Variants in ATP8A2 observed in about 807,000 individuals in gnomAD.
ATP8A2 encodes ATPase phospholipid transporting 8A2, also known as phospholipid-transporting ATPase IB.
Under a neutral mutation model 165.6 loss-of-function variants are expected in ATP8A2, and 100 were observed. The ratio of observed to expected loss-of-function variants is 0.60; its 90% confidence interval spans 0.51 to 0.71. The LOEUF is 0.71. ATP8A2 is among the 30% of genes least tolerant of loss of function. ATP8A2 has a pLI of 0.00. For synonymous variants in ATP8A2, 543 were observed against 548.8 expected (o/e 0.99, Z 0.15); for missense variants, 1,227 against 1,479.5 (o/e 0.83, Z 2.80).
chr13:25,508,752 G>A (rs561935412), intron 2 of ATP8A2, among the ~76,000 whole-genome samples: 1 of 152,364 alleles, frequency 6.6e-6, no homozygotes, highest in East Asian at 1.9e-4. Context: ...CACAGAAGCA[G>A]ATTTTCTGGG....
intron 24 of ATP8A2, among the ~76,000 whole-genome samples, chr13:25,606,377 A>G (rs2040516976): frequency 6.6e-6 from 1 of 152,232 alleles, no homozygotes; most frequent in Admixed American, 6.5e-5. Context: ...ATTTAAGAAC[A>G]TGTTGAAGAA....
At chr13:25,502,578 G>A (rs1000310580) in intron 2 of ATP8A2, among the ~76,000 whole-genome samples, 1 of 152,208 alleles carries the variant, frequency 6.6e-6, no homozygotes, top group Non-Finnish European at 1.5e-5. Context: ...GGGTGATACA[G>A]GGCAAGTTAA....
At chr13:26,019,626 G>C (rs539812383) in intron 36 of ATP8A2, among the ~76,000 whole-genome samples, 1 of 152,100 alleles carries the variant, frequency 6.6e-6, no homozygotes, top group Non-Finnish European at 1.5e-5. Context: ...CAGCCCCCTA[G>C]AAATAGGAAA....
chr13:25,675,513 A>C (rs950809212), intron 24 of ATP8A2, among the ~76,000 whole-genome samples: 4 of 152,240 alleles, frequency 2.6e-5, no homozygotes, highest in African/African-American at 7.2e-5. Flanking sequence ...GTAAATAATA[A>C]GTTTTATCAG....
chr13:25,736,705 T>G (rs2043777746), intron 25 of ATP8A2, among the ~76,000 whole-genome samples: 1 of 152,102 alleles, frequency 6.6e-6, no homozygotes, highest in Admixed American at 6.5e-5. Context: ...CCAATAAAAC[T>G]TTATTTAAAG....
intron 10 of ATP8A2, among the ~76,000 whole-genome samples, chr13:25,550,023 G>C (rs147706911): frequency 3.3e-5 from 5 of 152,260 alleles, no homozygotes; most frequent in Non-Finnish European, 5.9e-5. Context: ...AGCACACTCA[G>C]GTCAGGCATG....
chr13:25,616,326 CTTTTTTTTTTT>C (rs535891442), intron 24 of ATP8A2, among the ~76,000 whole-genome samples: 3 of 106,754 alleles, frequency 2.8e-5, no homozygotes, highest in Non-Finnish European at 5.6e-5. Context: ...TTCTTTCTTT[CTTTTTTTTTTT>C]TTTTTTTTTT....
rs1286143523 is a variant in ATP8A2, at chr13:25,438,930, C to T, written c.77-30047C>T. Among the ~76,000 whole-genome samples the T allele has an allele frequency of 2.0e-5, 3 of 152,098 alleles. No individual in the cohort carries two copies. In the East Asian group the frequency reaches 5.8e-4, roughly 29 times the overall value. Reference sequence around the variant, plus strand: ...GGAGTAAAGGACAGGAAGACAAAATCAGAGGTCAGAGAGAATATATTTGGC... The same window carrying T: ...GGAGTAAAGGACAGGAAGACAAAATTAGAGGTCAGAGAGAATATATTTGGC... On this transcript the variant is annotated intron_variant, in intron 1 of 36. Transcript: ENST00000381655.
At chr13:25,413,385 G>A (rs1437336126) in intron 1 of ATP8A2, among the ~76,000 whole-genome samples, 17 of 145,394 alleles carry the variant, frequency 1.2e-4, no homozygotes, top group African/African-American at 3.8e-4. Flanking sequence ...AGGTTCAAGC[G>A]ATTCTCCTGC....
chr13:25,618,455 A>G (rs2040881823), intron 24 of ATP8A2, among the ~76,000 whole-genome samples: 2 of 151,944 alleles, frequency 1.3e-5, no homozygotes, highest in Non-Finnish European at 2.9e-5. Context: ...GAAGGTGTGG[A>G]GCGGCTGGGA....
At chr13:25,442,589 AT>A (rs540555558) in intron 1 of ATP8A2, among the ~76,000 whole-genome samples, 86 of 152,134 alleles carry the variant, frequency 5.7e-4, no homozygotes, top group African/African-American at 2.0e-3. Flanking sequence ...AATTAAAATA[AT>A]TTTTTTGTAG....
intron 25 of ATP8A2, among the ~76,000 whole-genome samples, chr13:25,758,631 T>C (rs2044314162): frequency 6.6e-6 from 1 of 152,208 alleles, no homozygotes; most frequent in South Asian, 2.1e-4. Flanking sequence ...CAGGCCCCCA[T>C]GTACCTATAT....
At chr13:25,399,983 A>AGCCAGGCTGGTGTGCAGTGGT (rs1555265023) in intron 1 of ATP8A2, among the ~76,000 whole-genome samples, 1 of 149,220 alleles carries the variant, frequency 6.7e-6, no homozygotes. Context: ...TTTTTGAGGA[A>AGCCAGGCTGGTGTGCAGTGGT]GCCATCAGAG....
chr13:25,633,714 G>A (rs533304020), intron 24 of ATP8A2, among the ~76,000 whole-genome samples: 7 of 152,234 alleles, frequency 4.6e-5, no homozygotes, highest in South Asian at 4.1e-4. Context: ...GGTCGCTCAC[G>A]CTTGTAATCC....
intron 23 of ATP8A2, among the ~76,000 whole-genome samples, chr13:25,583,560 C>T (rs2039834589): frequency 6.6e-6 from 1 of 152,152 alleles, no homozygotes; most frequent in Admixed American, 6.5e-5. Flanking sequence ...CTCCCTCTCA[C>T]TGCCTCTCAT....
chr13:25,627,198 G>T lies in ATP8A2; in HGVS notation c.2211+37499G>T, dbSNP rs570292717. On this transcript the variant is annotated intron_variant, in intron 24 of 36. Transcript: ENST00000381655. Reference sequence around the variant, plus strand: ...CAGAGGAAATAGCAAATGCAAATCCGCCAAGGTGGTACAGTGGCAGAATAC... The same window carrying T: ...CAGAGGAAATAGCAAATGCAAATCCTCCAAGGTGGTACAGTGGCAGAATAC... Among the ~76,000 whole-genome samples, 10 of 152,190 alleles carry T rather than the reference G, an allele frequency of 6.6e-5. No homozygotes were observed. In the East Asian group the frequency reaches 1.9e-3, roughly 30 times the overall value.
chr13:25,575,487 A>G (rs931678732), intron 19 of ATP8A2, among the ~76,000 whole-genome samples: 2 of 152,248 alleles, frequency 1.3e-5, no homozygotes, highest in African/African-American at 2.4e-5. Flanking sequence ...AATTGTCAGT[A>G]CTAAAGCAAA....
chr13:25,888,814 G>A (rs1158894060), intron 33 of ATP8A2, among the ~76,000 whole-genome samples: 1 of 152,174 alleles, frequency 6.6e-6, no homozygotes, highest in Non-Finnish European at 1.5e-5. Flanking sequence ...AGTCAAGATC[G>A]CACCATTGCG....
chr13:25,807,167 T>A (rs936239657), intron 27 of ATP8A2, among the ~76,000 whole-genome samples: 1 of 143,336 alleles, frequency 7.0e-6, no homozygotes, highest in Non-Finnish European at 1.5e-5. Flanking sequence ...TTTTTTTTTT[T>A]AGCACAAATG....
Sources: gnomAD v4.1 joint callset for allele counts (sites outside exome capture counted in the v4.1 genomes callset) on GRCh38, gnomAD v4.1.1 for gene constraint, MANE v1.5 for transcripts, NCBI Gene and HGNC (gene_info 2026-07-23, HGNC 2026-07-21) for gene names.